Variants in NFYA observed in about 807,000 individuals in gnomAD.
The protein encoded by NFYA is CAAT-box DNA binding protein subunit A.
Under a neutral mutation model 52.8 loss-of-function variants are expected in NFYA, and 28 were observed. That is an observed-to-expected ratio of 0.53 (90% CI 0.39 to 0.73). NFYA has a LOEUF of 0.73. Among genes scored for constraint, NFYA ranks in the 30% least tolerant of loss-of-function variants. The pLI, the probability that NFYA is intolerant of heterozygous loss-of-function variation, is 0.00. For missense variants in NFYA, 234 were observed against 427.0 expected, an observed-to-expected ratio of 0.55 and a Z score of 3.98; for synonymous variants, 150 against 150.7, an observed-to-expected ratio of 1.00 and a Z score of 0.03.
intron 9 of NFYA, 50 bp from the exon 10 acceptor site, chr6:41,097,306 TC>T: frequency 6.4e-7 from 1 of 1,565,610 alleles, no homozygotes; most frequent in Non-Finnish European, 8.8e-7. Context: ...AGCCATGAGT[TC>T]CTGTTGCTTT....
Position 41,075,504 on chromosome 6 carries a change from G to T in NFYA, c.-62+2420G>T, listed in dbSNP as rs142184997. On this transcript the variant is annotated intron_variant, in intron 1 of 9. Coordinates refer to ENST00000341376, the MANE Select transcript of NFYA (RefSeq NM_002505.5). ...TACAAGCTTCCACCAGTCTGCAGAA[G>T]AATTTCTTTGTCTGACATTTTGAGA... The T allele has an allele frequency of 1.3e-3, 204 of 152,008 alleles. 1 individual carries two copies. Among genetic ancestry groups the T allele is most frequent in the African/African-American group, 4.3e-3 (178 of 41,390 alleles). The allele number at this position is 152,008 out of a possible 1,614,324, so 9.4% of individuals were successfully genotyped here. A position where few individuals can be genotyped will look rare whatever the true frequency, so the allele number is the denominator to read the frequency against.
At chr6:41,087,717 A>T (rs1283105118) in intron 4 of NFYA, among the ~76,000 whole-genome samples, 1 of 127,726 alleles carries the variant, frequency 7.8e-6, no homozygotes, top group Admixed American at 7.9e-5. Flanking sequence ...TTTTGCACTT[A>T]AAAAAAAAAG....
chr6:41,095,821 T>A (rs1764337897), intron 9 of NFYA, among the ~76,000 whole-genome samples: 1 of 152,236 alleles, frequency 6.6e-6, no homozygotes, highest in Admixed American at 6.5e-5. Flanking sequence ...GGGTAGAGGA[T>A]TGTTTCGTTC....
At chr6:41,093,660 G>A (rs565258101) in intron 8 of NFYA, among the ~76,000 whole-genome samples, 49 of 152,194 alleles carry the variant, frequency 3.2e-4, no homozygotes, top group Admixed American at 7.2e-4. Flanking sequence ...TAGTAGAGAC[G>A]GGGTTTCACC....
rs943820086 is a variant in NFYA, at chr6:41,077,254, T to C, written c.-61-1775T>C. On this transcript the variant is annotated intron_variant, in intron 1 of 9. Transcript: ENST00000341376. Reference sequence around the variant, plus strand: ...ATTGAGAGATACTTTAGAAACAAAGTATAATAATTTTAAATGTGTATTTTG... The same window carrying C: ...ATTGAGAGATACTTTAGAAACAAAGCATAATAATTTTAAATGTGTATTTTG... 5.9e-5 allele frequency among the ~76,000 whole-genome samples: 9 copies of C among 152,262 alleles called. 1 individual carries two copies. The South Asian group carries it at 1.9e-3, about 32-fold the overall frequency.
chr6:41,094,255 C>T lies in NFYA; in HGVS notation c.889-141C>T, dbSNP rs941404006. On this transcript the variant is annotated intron_variant, in intron 8 of 9. Coordinates refer to ENST00000341376, the MANE Select transcript of NFYA (RefSeq NM_002505.5). The stretch of plus-strand genomic sequence containing the variant: ...TACTAGGTGTTTTCTCCAAAGCTTC[C>T]ATCGTCATTCTAAGTCATAATTGTC... The T allele has an allele frequency of 5.0e-5, 32 of 646,108 alleles. No homozygotes were observed. In the African/African-American group the frequency reaches 5.5e-4, roughly 11 times the overall value. The allele number at this position is 646,108 out of a possible 1,614,324, so 40.0% of individuals were successfully genotyped here. A position where few individuals can be genotyped will look rare whatever the true frequency, so the allele number is the denominator to read the frequency against.
In NFYA at chr6:41,100,733, C is replaced by A. The variant is rs2113832653; in HGVS notation, c.*3323C>A. Reference sequence around the variant, plus strand: ...AAGACCTCTCGATATTTATCTCACACCAACGGCTTTATCGTAGGAGCGTCT... The same window carrying A: ...AAGACCTCTCGATATTTATCTCACAACAACGGCTTTATCGTAGGAGCGTCT... On this transcript the variant is annotated 3_prime_UTR_variant, in exon 10 of 10. Transcript: ENST00000341376. Among the ~76,000 whole-genome samples the A allele has an allele frequency of 6.6e-6, 1 of 152,348 alleles. No individual in the cohort carries two copies. The highest frequency in any genetic ancestry group is 1.5e-5 in the Non-Finnish European group (1 of 68,034).
At chr6:41,086,332 A>G (rs537366114) in intron 4 of NFYA, among the ~76,000 whole-genome samples, 1 of 152,320 alleles carries the variant, frequency 6.6e-6, no homozygotes, top group South Asian at 2.1e-4. Context: ...TTCTAGCTCT[A>G]AATTCTGTGA....
At position 41,099,722 on chromosome 6, in the gene NFYA, T is replaced by C. The variant is rs1764449833; in HGVS notation, c.*2312T>C. 1 of 152,160 alleles carries C rather than the reference T, an allele frequency of 6.6e-6. No individual in the cohort carries two copies. Among genetic ancestry groups the C allele is most frequent in the South Asian group, 2.1e-4 (1 of 4,830 alleles). 9.4% of individuals were successfully genotyped at this position (152,160 alleles called of 1,614,324 possible). On this transcript the variant is annotated 3_prime_UTR_variant, in exon 10 of 10. Coordinates refer to ENST00000341376, the MANE Select transcript of NFYA (RefSeq NM_002505.5). The stretch of plus-strand genomic sequence containing the variant: ...TAGTTATGCAACTTGAGTGCTTTTT[T>C]TTTTTTTTGCAGGATAATTTTAAGT...
At chr6:41,075,236 G>C (rs1299047468) in intron 1 of NFYA, 3 of 152,142 alleles carry the variant, frequency 2.0e-5, no homozygotes, top group Non-Finnish European at 4.4e-5. Flanking sequence ...ATCCAGGCTG[G>C]AGTACAGTGG....
chr6:41,083,110 A>G (rs1449154272), intron 3 of NFYA, among the ~76,000 whole-genome samples: 1 of 152,200 alleles, frequency 6.6e-6, no homozygotes, highest in African/African-American at 2.4e-5. Flanking sequence ...GAAAATGAAA[A>G]TTTTGGACTA....
rs1764522505 is a variant in NFYA at position 41,102,335 on chromosome 6, C to T, written c.*4925C>T. Among the ~76,000 whole-genome samples the T allele has an allele frequency of 6.6e-6, 1 of 152,052 alleles. No homozygotes were observed. The stretch of plus-strand genomic sequence containing the variant: ...ATTGACTCATTGTTCAAAGGGGGGG[C>T]AGGAGGAGCTAATTTCCTTTGCACA... On this transcript the variant is annotated 3_prime_UTR_variant, in exon 10 of 10. Transcript: ENST00000341376.
intron 9 of NFYA, among the ~76,000 whole-genome samples, chr6:41,095,433 T>C (rs777248129): frequency 1.3e-5 from 2 of 152,224 alleles, no homozygotes; most frequent in Non-Finnish European, 2.9e-5. Flanking sequence ...CTATCTAGAA[T>C]AGATCTCTTC....
Position 41,084,086 on chromosome 6 carries a change from A to T in NFYA, c.203A>T (p.Gln68Leu). 1 of 1,614,152 alleles carries T rather than the reference A, an allele frequency of 6.2e-7. No homozygotes were observed. The highest frequency in any genetic ancestry group is 8.5e-7 in the Non-Finnish European group (1 of 1,179,998). The change falls in exon 4 of 10, where the codon CAG becomes CTG. Residue 68 changes from glutamine to leucine, a missense_variant. Physicochemically the swap from Gln to Leu is moderately radical, Grantham distance 113. Transcript: ENST00000341376. ...TTAATGGTGCAGGTCAGTGGAGGCC[A>T]GCTAATCACATCAACTGGCCAACCC... ...QPLMVQVSGG[Q>L]LITSTGQPIM...
chr6:41,090,189 A>T lies in NFYA; in HGVS notation c.442-15A>T. 6.5e-7 allele frequency: 1 copy of T among 1,547,744 alleles called. No homozygotes were observed. Among genetic ancestry groups the T allele is most frequent in the Non-Finnish European group, 8.9e-7 (1 of 1,120,906 alleles). The stretch of plus-strand genomic sequence containing the variant: ...TTGGGATCTGTTGAATTGTGTCATT[A>T]CTTATTTCCTCCAGACACAGCAGCA... On this transcript the variant is annotated splice_polypyrimidine_tract_variant and intron_variant, in intron 5 of 9. Transcript: ENST00000341376.
chr6:41,081,216 G>A (rs1468467185), intron 3 of NFYA, among the ~76,000 whole-genome samples: 6 of 152,216 alleles, frequency 3.9e-5, no homozygotes, highest in East Asian at 1.9e-4. Context: ...TCGGCCGGGC[G>A]CGGTGGCTCA....
At position 41,098,016 on chromosome 6, in the gene NFYA, C is replaced by G. The variant is rs1439854716; in HGVS notation, c.*606C>G. 1.3e-5 allele frequency: 2 copies of G among 152,616 alleles called. No individual in the cohort carries two copies. The highest frequency in any genetic ancestry group is 2.9e-5 in the Non-Finnish European group (2 of 68,048). 9.5% of individuals were successfully genotyped at this position (152,616 alleles called of 1,614,324 possible). On this transcript the variant is annotated 3_prime_UTR_variant, in exon 10 of 10. Transcript: ENST00000341376. ...GTAGGTTGATATTTCTGGACTCTAG[C>G]CAAGAAAAAGCTAATTCTGGGGATA... is the stretch of plus-strand genomic sequence containing the variant.
rs573303718 is a variant in NFYA, at chr6:41,094,316, G to A, written c.889-80G>A. On this transcript the variant is annotated intron_variant, in intron 8 of 9. Coordinates refer to ENST00000341376, the MANE Select transcript of NFYA (RefSeq NM_002505.5). ...TTGATCCCAGCTGTCTTAAACTTTG[G>A]AGAATGGAATTTGTGCACTAGATAA... The A allele has an allele frequency of 2.0e-4, 247 of 1,217,904 alleles. 1 individual carries two copies. The highest frequency in any genetic ancestry group is 5.9e-4 in the Middle Eastern group (3 of 5,110). The allele number at this position is 1,217,904 out of a possible 1,614,324, so 75.4% of individuals were successfully genotyped here. A position where few individuals can be genotyped will look rare whatever the true frequency, so the allele number is the denominator to read the frequency against.
chr6:41,095,450 A>G (rs986778646), intron 9 of NFYA, among the ~76,000 whole-genome samples: 5 of 152,118 alleles, frequency 3.3e-5, no homozygotes, highest in Admixed American at 2.0e-4. Flanking sequence ...CTTCTCTCTC[A>G]GTATGTTCTT....
Sources: gnomAD v4.1 joint callset for allele counts (sites outside exome capture counted in the v4.1 genomes callset) on GRCh38, gnomAD v4.1.1 for gene constraint, MANE v1.5 for transcripts, NCBI Gene and HGNC (gene_info 2026-07-23, HGNC 2026-07-21) for gene names.